Variants in SUPT3H observed in about 807,000 individuals in gnomAD.
SUPT3H encodes the protein SPT3 homolog, SAGA and STAGA complex component.
In SUPT3H, 44 loss-of-function variants were observed where a neutral mutation model predicts 44.3. That is an observed-to-expected ratio of 0.99 (90% confidence interval 0.78 to 1.28). The LOEUF is 1.28. SUPT3H is among the 50% of genes most tolerant of loss of function. The pLI, the probability that SUPT3H is intolerant of heterozygous loss-of-function variation, is 0.00. For synonymous variants in SUPT3H, 124 were observed against 125.6 expected, an observed-to-expected ratio of 0.99 and a Z score of 0.09; for missense variants, 380 against 387.1, an observed-to-expected ratio of 0.98 and a Z score of 0.15.
intron 10 of SUPT3H, among the ~76,000 whole-genome samples, chr6:44,910,696 T>TA (rs11346126): frequency 1.3e-4 from 19 of 147,656 alleles, no homozygotes; most frequent in African/African-American, 4.5e-4. Context: ...TCTTTCAAAT[T>TA]AAAAAAAAAA....
chr6:45,155,439 AAAG>A (rs1309643499), intron 2 of SUPT3H, among the ~76,000 whole-genome samples: 1 of 152,164 alleles, frequency 6.6e-6, no homozygotes, highest in East Asian at 1.9e-4. Flanking sequence ...AGTGACGGTC[AAAG>A]AAGACTGAAA....
At chr6:45,297,493 T>C (rs1217666483) in intron 2 of SUPT3H, among the ~76,000 whole-genome samples, 4 of 152,230 alleles carry the variant, frequency 2.6e-5, no homozygotes, top group South Asian at 2.1e-4. Context: ...TTTTAAACAC[T>C]AGGAGTCCCT....
intron 2 of SUPT3H, among the ~76,000 whole-genome samples, chr6:45,304,331 A>G (rs2149947418): frequency 6.6e-6 from 1 of 152,318 alleles, no homozygotes; most frequent in Non-Finnish European, 1.5e-5. Flanking sequence ...AATTTTGAAA[A>G]TCAATTTAGC....
intron 3 of SUPT3H, among the ~76,000 whole-genome samples, chr6:45,025,797 G>T (rs1333887503): frequency 6.6e-6 from 1 of 151,440 alleles, no homozygotes; most frequent in African/African-American, 2.4e-5. Context: ...GCAGGAGAAT[G>T]GCGTGAACCC....
chr6:45,203,532 C>T (rs1485169127), intron 2 of SUPT3H, among the ~76,000 whole-genome samples: 1 of 152,220 alleles, frequency 6.6e-6, no homozygotes, highest in Non-Finnish European at 1.5e-5. Flanking sequence ...GAAACCTTTT[C>T]TGCATATTTC....
rs563138623 is a variant in SUPT3H, at chr6:45,090,959, T to C, written c.186+14963A>G. 3.9e-5 allele frequency among the ~76,000 whole-genome samples: 6 copies of C among 152,060 alleles called. No individual in the cohort carries two copies. The South Asian group carries it at 1.2e-3, about 32-fold the overall frequency. On this transcript the variant is annotated intron_variant, in intron 3 of 10. Coordinates refer to ENST00000371459, the MANE Select transcript of SUPT3H (RefSeq NM_003599.4). The stretch of plus-strand genomic sequence containing the variant: ...CTTTAGTGCTCAAGGAAAAAGATTC[T>C]ACTAAAACTTTTCTTCTTAAAGCTT...
At chr6:45,048,622 T>C (rs1284506141) in intron 3 of SUPT3H, among the ~76,000 whole-genome samples, 2 of 152,136 alleles carry the variant, frequency 1.3e-5, no homozygotes, top group African/African-American at 2.4e-5. Flanking sequence ...TTATTCACAA[T>C]AGCCAAGATG....
At chr6:45,171,924 G>A (rs560938527) in intron 2 of SUPT3H, among the ~76,000 whole-genome samples, 1 of 151,372 alleles carries the variant, frequency 6.6e-6, no homozygotes, top group East Asian at 2.0e-4. Context: ...CACCATGGTG[G>A]CCTGGCTGGT....
chr6:44,877,171 T>C (rs1270663975), intron 10 of SUPT3H, among the ~76,000 whole-genome samples: 1 of 152,190 alleles, frequency 6.6e-6, no homozygotes, highest in Non-Finnish European at 1.5e-5. Flanking sequence ...GGCTACTTAA[T>C]ATCCCAGTGC....
intron 10 of SUPT3H, among the ~76,000 whole-genome samples, chr6:44,845,660 G>A (rs1030797112): frequency 5.3e-5 from 8 of 152,142 alleles, no homozygotes; most frequent in African/African-American, 1.2e-4. Context: ...ACACACAAGC[G>A]GCTGGACATC....
chr6:45,029,157 A>G (rs1408666365), intron 3 of SUPT3H, among the ~76,000 whole-genome samples: 1 of 151,732 alleles, frequency 6.6e-6, no homozygotes, highest in East Asian at 1.9e-4. Flanking sequence ...ATAAATGAGT[A>G]TATAAATTGA....
rs190181151 is a variant in SUPT3H, at chr6:44,953,236, A to G, written c.801+74T>C. ...TACACTCCTGCATAATCTTTATTAAAGAATCACTAATGTAAATACCAGATA... is the reference window on the plus strand; with the variant it reads ...TACACTCCTGCATAATCTTTATTAAGGAATCACTAATGTAAATACCAGATA... On this transcript the variant is annotated intron_variant, in intron 9 of 10. Coordinates refer to ENST00000371459, the MANE Select transcript of SUPT3H (RefSeq NM_003599.4). The G allele has an allele frequency of 2.9e-3, 3,195 of 1,113,932 alleles. 19 individuals carry two copies. The highest frequency in any genetic ancestry group is 7.9e-3 in the South Asian group (593 of 75,364). 69.0% of individuals were successfully genotyped at this position (1,113,932 alleles called of 1,614,324 possible). A position where few individuals can be genotyped will look rare whatever the true frequency, so the allele number is the denominator to read the frequency against.
intron 2 of SUPT3H, among the ~76,000 whole-genome samples, chr6:45,352,659 T>C (rs73735384): frequency 6.6e-6 from 1 of 152,176 alleles, no homozygotes. Flanking sequence ...ATGGAGCAAC[T>C]GTACCTAGTA....
At chr6:44,947,950 A>T (rs954942032) in intron 9 of SUPT3H, among the ~76,000 whole-genome samples, 4 of 152,328 alleles carry the variant, frequency 2.6e-5, no homozygotes, top group Admixed American at 2.6e-4. Flanking sequence ...GTTTCTTAGG[A>T]CACAGGCAAT....
At chr6:44,891,087 C>T (rs1445942685) in intron 10 of SUPT3H, among the ~76,000 whole-genome samples, 1 of 151,952 alleles carries the variant, frequency 6.6e-6, no homozygotes, top group African/African-American at 2.4e-5. Context: ...ATGTAACAAA[C>T]CTGTACATTC....
At chr6:45,208,024 CTT>C (rs1426344238) in intron 2 of SUPT3H, among the ~76,000 whole-genome samples, 1 of 152,174 alleles carries the variant, frequency 6.6e-6, no homozygotes, top group East Asian at 1.9e-4. Context: ...AGCTAAGCCT[CTT>C]GTGCCAAACA....
chr6:45,041,694 T>C (rs1298866501), intron 3 of SUPT3H, among the ~76,000 whole-genome samples: 1 of 152,180 alleles, frequency 6.6e-6, no homozygotes, highest in Non-Finnish European at 1.5e-5. Context: ...TTCCACCTTC[T>C]TTTTCTTCTT....
At chr6:45,325,962 T>G (rs1479896886) in intron 2 of SUPT3H, among the ~76,000 whole-genome samples, 1 of 151,920 alleles carries the variant, frequency 6.6e-6, no homozygotes. Context: ...ATCTTTCTCC[T>G]GCTAGAATTT....
intron 2 of SUPT3H, among the ~76,000 whole-genome samples, chr6:45,215,971 G>T (rs1474644938): frequency 3.9e-5 from 6 of 152,156 alleles, no homozygotes; most frequent in Non-Finnish European, 7.3e-5. Context: ...AGACTAACAG[G>T]ATTTCTCAGG....
Sources: gnomAD v4.1 joint callset for allele counts (sites outside exome capture counted in the v4.1 genomes callset) on GRCh38, gnomAD v4.1.1 for gene constraint, MANE v1.5 for transcripts, NCBI Gene and HGNC (gene_info 2026-07-23, HGNC 2026-07-21) for gene names.